PKD1: variants seen among roughly 807,000 people sequenced by gnomAD.
PKD1 encodes polycystin-1.
A neutral mutation model predicts 361.7 loss-of-function variants in PKD1; 81 were observed. That is an observed-to-expected ratio of 0.22 (90% CI 0.19 to 0.27). PKD1 has a LOEUF of 0.27. Among genes scored for constraint, PKD1 ranks in the 10% least tolerant of loss-of-function variants. The pLI is 1.00. For synonymous variants in PKD1, 3,615 were observed against 2,818.3 expected (o/e 1.28, Z -8.95); for missense variants, 6,399 against 6,118.3 (o/e 1.05, Z -1.53).
At chr16:2,121,381 T>TA (rs879525323) in intron 1 of PKD1, among the ~76,000 whole-genome samples, 48 of 92,362 alleles carry the variant, frequency 5.2e-4, no homozygotes, top group East Asian at 2.9e-3. Flanking sequence ...AAAATAAAAA[T>TA]AAAAAAAAAA....
chr16:2,127,565 G>A (rs951332726), intron 1 of PKD1, among the ~76,000 whole-genome samples: 8 of 152,092 alleles, frequency 5.3e-5, no homozygotes, highest in Non-Finnish European at 1.2e-4. Flanking sequence ...TCTGTGGCAG[G>A]GCAGGTCTCA....
intron 42 of PKD1, 101 bp downstream of exon 42, chr16:2,091,322 G>A (rs1219229537): frequency 1.9e-6 from 1 of 525,836 alleles, no homozygotes; most frequent in Admixed American, 6.2e-5. Context: ...CTGCGAGGGG[G>A]CGGGGCGCTG....
rs2092611337 is a variant in PKD1, at chr16:2,115,234, C to A, written c.2097+144G>T. The A allele has an allele frequency of 2.8e-6, 3 of 1,062,224 alleles. No individual in the cohort carries two copies. The Admixed American group carries it at 7.2e-5, about 26-fold the overall frequency. The allele number at this position is 1,062,224 out of a possible 1,614,324, so 65.8% of individuals were successfully genotyped here. The stretch of plus-strand genomic sequence containing the variant: ...CACTGGGAGAGGGCCGAGGGCACTG[C>A]AGAGGTCGGAGGTCAGAGGTGGCAA... On this transcript the variant is annotated intron_variant, in intron 10 of 45. Coordinates refer to ENST00000262304, the MANE Select transcript of PKD1 (RefSeq NM_001009944.3).
rs375408086 is a variant in PKD1, at chr16:2,104,541, G to A, written c.8118C>T (p.Thr2706=). 5.6e-4 allele frequency: 885 copies of A among 1,580,882 alleles called. No individual in the cohort carries two copies. The highest frequency in any genetic ancestry group is 6.5e-4 in the Non-Finnish European group (759 of 1,164,260). The change falls in exon 22 of 46, where the codon ACC becomes ACT. Residue 2706 remains threonine (T), a synonymous_variant. Transcript: ENST00000262304. ...LILQAETTAG[T]VTPTAIGDSI... Reference sequence around the variant, plus strand: ...TGTCTCCGATGGCGGTGGGCGTCACGGTGCCCGCGGTGGTCTCTGCCTGCA... The same window carrying A: ...TGTCTCCGATGGCGGTGGGCGTCACAGTGCCCGCGGTGGTCTCTGCCTGCA...
intron 12 of PKD1, 37 bp from the exon 13 acceptor site, chr16:2,113,000 T>C: frequency 1.3e-6 from 2 of 1,572,712 alleles, no homozygotes; most frequent in Non-Finnish European, 1.7e-6. Flanking sequence ...AGGTGGCAGG[T>C]GAGAGGCCTG....
At chr16:2,091,704 G>A in intron 41 of PKD1, 77 bp downstream of exon 41, 3 of 1,582,512 alleles carry the variant, frequency 1.9e-6, no homozygotes, top group Non-Finnish European at 1.7e-6. Flanking sequence ...TAGGCCAGCG[G>A]GGGCCGGAGG....
chr16:2,106,559 C>A lies in PKD1; in HGVS notation c.7328G>T (p.Gly2443Val). ...LRRGVLRDGE[G>V]YTFTLTVLGR... ...CAGCACCGTGAGCGTGAAGGTGTAT[C>A]CCTCGCCGTCCCGCAGCACGCCCCG... Residue 2443 changes from glycine (G) to valine (V), a missense_variant, in exon 18 of 46, where the codon GGA (glycine) becomes GTA (valine). By Grantham distance (109) the Gly-to-Val change is moderately radical (BLOSUM62 -3). Transcript: ENST00000262304. This position sits in a 1 kb window ranked among gnomAD's most constrained non-coding sequence, Gnocchi z 6.5. 1 of 1,596,316 alleles carries A rather than the reference C, an allele frequency of 6.3e-7. No homozygotes were observed. The highest frequency in any genetic ancestry group is 8.5e-7 in the Non-Finnish European group (1 of 1,178,858).
At position 2,109,185 on chromosome 16, in the gene PKD1, G is replaced by C. The variant is rs777308548; in HGVS notation, c.5982C>G (p.Ala1994=). The change falls in exon 15 of 46, where the codon GCC becomes GCG. Residue 1994 remains alanine (A), a synonymous_variant. Transcript: ENST00000262304. ...CGACCCGAGAGCCGCGCTGCACGCG[G>C]GCTGTGAAGTTCCTCTCAGTGCCCG... ...IATGTERNFT[A]RVQRGSRVAY... is the part of the protein sequence containing the mutation. 9.4e-6 allele frequency: 15 copies of C among 1,598,322 alleles called. No individual in the cohort carries two copies. The South Asian group carries it at 1.5e-4, about 16-fold the overall frequency.
At position 2,103,611 on chromosome 16, in the gene PKD1, G is replaced by A. The variant is rs149510742; in HGVS notation, c.8446C>T (p.Leu2816=). The change falls in exon 23 of 46, where the codon CTG becomes TTG. Residue 2816 remains leucine, a synonymous_variant. Coordinates refer to ENST00000262304, the MANE Select transcript of PKD1 (RefSeq NM_001009944.3). The stretch of plus-strand genomic sequence containing the variant: ...TGCACCACGTCACTGAGGTTGGCCA[G>A]GGCCCCGCTGAAAGCCTCGGGGATG... ...FSIPEAFSGA[L]ANLSDVVQLI... is the part of the protein sequence containing the mutation. 3.1e-6 allele frequency: 5 copies of A among 1,610,380 alleles called. No homozygotes were observed. The highest frequency in any genetic ancestry group is 4.2e-6 in the Non-Finnish European group (5 of 1,179,746).
At position 2,110,629 on chromosome 16, in the gene PKD1, A is replaced by C. The variant is rs748126280; in HGVS notation, c.4538T>G (p.Val1513Gly). The C allele has an allele frequency of 6.2e-7, 1 of 1,609,566 alleles. No individual in the cohort carries two copies. Among genetic ancestry groups the C allele is most frequent in the South Asian group, 1.1e-5 (1 of 90,952 alleles). The change falls in exon 15 of 46, where the codon GTC becomes GGC. Residue 1513 changes from valine (V) to glycine (G), a missense_variant. Physicochemically the swap from Val to Gly is moderately radical, Grantham distance 109 (BLOSUM62 -3). Coordinates refer to ENST00000262304, the MANE Select transcript of PKD1 (RefSeq NM_001009944.3). ...ACCTGTGCTGTTGTAAGCGTGGGTG[A>C]CCTCCGGACCCTCGAGCCACCCACC... ...GDGGWLEGPE[V>G]THAYNSTGDF... is the part of the protein sequence containing the mutation.
At position 2,097,356 on chromosome 16, in the gene PKD1, G is replaced by C; in HGVS notation, c.10368C>G (p.Ala3456=). 1.9e-6 allele frequency: 3 copies of C among 1,612,382 alleles called. No individual in the cohort carries two copies. The highest frequency in any genetic ancestry group is 2.5e-6 in the Non-Finnish European group (3 of 1,179,948). The change falls in exon 33 of 46, where the codon GCC becomes GCG. Residue 3456 remains alanine (A), a synonymous_variant. Coordinates refer to ENST00000262304, the MANE Select transcript of PKD1 (RefSeq NM_001009944.3). ...AGGATTTGGCAGGCGAGTAGGGGCT[G>C]GCCAGGGAGAAGCCGTCCTCCTCTG... The part of the protein sequence containing the change: ...LGPEEDGFSL[A]SPYSPAKSFS...
Position 2,090,014 on chromosome 16 carries a change from C to T in PKD1, c.12625G>A (p.Glu4209Lys). The change falls in exon 46 of 46, where the codon GAG (glutamate) becomes AAG (lysine). Residue 4209 changes from glutamate to lysine, a missense_variant. Transcript: ENST00000262304. ...GCTTGGAGGCGGGAGGGCTCAGGCTCACACCTTGTCCCCAGCCGGCCCAGG... is the reference window on the plus strand; with the variant it reads ...GCTTGGAGGCGGGAGGGCTCAGGCTTACACCTTGTCCCCAGCCGGCCCAGG... ...VSLGRLGTRCEPEPSRLQAVF... is the reference protein window; with the variant it reads ...VSLGRLGTRCKPEPSRLQAVF... 1.2e-6 allele frequency: 2 copies of T among 1,610,174 alleles called. No individual in the cohort carries two copies. Among genetic ancestry groups the T allele is most frequent in the Non-Finnish European group, 1.7e-6 (2 of 1,178,950 alleles).
chr16:2,111,285 C>A lies in PKD1; in HGVS notation c.3882G>T (p.Leu1294=), dbSNP rs1309162828. ...ARSLHVLVFV[L]EVLRVEPAAC... is the part of the protein sequence containing the mutation. ...CGGCGGGTTCAACGCGCAGCACCTC[C>A]AGGACGAAGACCAGCACGTGCAGGC... is the stretch of plus-strand genomic sequence containing the variant. Residue 1294 remains leucine, a synonymous_variant, in exon 15 of 46, where the codon CTG becomes CTT. Coordinates refer to ENST00000262304, the MANE Select transcript of PKD1 (RefSeq NM_001009944.3). 2 of 1,609,486 alleles carry A rather than the reference C, an allele frequency of 1.2e-6. No homozygotes were observed. Among genetic ancestry groups the A allele is most frequent in the African/African-American group, 2.7e-5 (2 of 74,874 alleles).
At chr16:2,108,184 G>A (rs1170773138) in intron 15 of PKD1, 68 bp downstream of exon 15, 52 of 1,505,460 alleles carry the variant, frequency 3.5e-5, no homozygotes, top group Middle Eastern at 4.8e-4. Context: ...GTGGCAAGCT[G>A]GGTGTTCTCT....
At chr16:2,133,814 C>G (rs956116759) in intron 1 of PKD1, among the ~76,000 whole-genome samples, 2 of 151,712 alleles carry the variant, frequency 1.3e-5, no homozygotes, top group Non-Finnish European at 2.9e-5. Context: ...GACAGGCCAC[C>G]AACTCCCAGG....
chr16:2,104,029 G>C (rs1475110330), intron 22 of PKD1, 134 bp from the exon 23 acceptor site: 1 of 261,534 alleles, frequency 3.8e-6, no homozygotes, highest in East Asian at 1.2e-4. Flanking sequence ...GGTGCAGGCA[G>C]AAGGAAGGGG....
chr16:2,099,494 T>A, intron 30 of PKD1, 150 bp downstream of exon 30: 1 of 717,192 alleles, frequency 1.4e-6, no homozygotes, highest in Non-Finnish European at 2.5e-6. Context: ...TCAGTCTAGC[T>A]AAGGCTGCTC....
chr16:2,096,558 C>T (rs189380628), intron 34 of PKD1, among the ~76,000 whole-genome samples: 23 of 152,302 alleles, frequency 1.5e-4, no homozygotes, highest in Middle Eastern at 3.4e-3. Context: ...TCTTGTTGCC[C>T]AGGCTGGAGT....
intron 11 of PKD1, 190 bp downstream of exon 11, chr16:2,113,980 C>A: frequency 5.0e-6 from 3 of 606,048 alleles, no homozygotes; most frequent in Non-Finnish European, 8.8e-6. Flanking sequence ...ACTGTCAGAG[C>A]CGTGACTTTC....
Sources: gnomAD v4.1 joint callset for allele counts (sites outside exome capture counted in the v4.1 genomes callset) on GRCh38, gnomAD v4.1.1 for gene constraint, Gnocchi (gnomAD v3.1) non-coding constraint, MANE v1.5 for transcripts, NCBI Gene and HGNC (gene_info 2026-07-23, HGNC 2026-07-21) for gene names.